Variants in RIMBP2 observed in about 807,000 individuals in gnomAD.
RIMBP2 encodes the protein RIMS-binding protein 2.
RIMBP2 carries 48 observed loss-of-function variants against 118.6 expected under a neutral mutation model. That is an observed-to-expected ratio of 0.40 (90% CI 0.32 to 0.51). RIMBP2 has a LOEUF of 0.51. RIMBP2 is among the 20% of genes least tolerant of loss of function. RIMBP2 has a pLI of 0.41. For synonymous variants in RIMBP2, 762 were observed against 742.9 expected (o/e 1.03, Z -0.42); for missense variants, 1,551 against 1,768.3 (o/e 0.88, Z 2.20).
chr12:130,693,260 A>G (rs80214204), intron 1 of RIMBP2, among the ~76,000 whole-genome samples: 3,997 of 152,246 alleles, frequency 0.026, 183 homozygotes, highest in African/African-American at 0.091. Context: ...GAAAGAATGA[A>G]TGAATGAATG....
intron 2 of RIMBP2, among the ~76,000 whole-genome samples, chr12:130,572,425 G>A (rs1480932735): frequency 2.6e-5 from 4 of 152,112 alleles, no homozygotes; most frequent in Non-Finnish European, 5.9e-5. Flanking sequence ...ATCAGGTATA[G>A]AAGGGACCTT....
chr12:130,444,994 A>G (rs2078409804), intron 10 of RIMBP2, among the ~76,000 whole-genome samples, 166 bp downstream of exon 10: 1 of 152,182 alleles, frequency 6.6e-6, no homozygotes, highest in Non-Finnish European at 1.5e-5. Context: ...CCAGTCGTCA[A>G]AGAGGGCAAA....
chr12:130,711,740 T>A (rs1034779979), intron 1 of RIMBP2, among the ~76,000 whole-genome samples: 1 of 152,256 alleles, frequency 6.6e-6, no homozygotes, highest in Non-Finnish European at 1.5e-5. Context: ...CCTAGTACAG[T>A]GTGACTGGCT....
At chr12:130,460,737 G>A (rs1222247420) in intron 6 of RIMBP2, among the ~76,000 whole-genome samples, 7 of 152,160 alleles carry the variant, frequency 4.6e-5, no homozygotes, top group African/African-American at 1.7e-4. Flanking sequence ...GTGGCAGCCA[G>A]CCACTGTCCT....
intron 9 of RIMBP2, among the ~76,000 whole-genome samples, chr12:130,445,568 T>C (rs12316884): frequency 0.071 from 10,749 of 152,284 alleles, 1,259 homozygotes; most frequent in African/African-American, 0.25. Context: ...TCTCTTCTGC[T>C]GTAACTATAC....
intron 2 of RIMBP2, among the ~76,000 whole-genome samples, chr12:130,552,717 T>C (rs2055925601): frequency 6.6e-6 from 1 of 152,208 alleles, no homozygotes; most frequent in South Asian, 2.1e-4. Flanking sequence ...TGTTAGTCTT[T>C]TGTCTGCATT....
At chr12:130,402,960 G>A (rs2074783962) in intron 21 of RIMBP2, among the ~76,000 whole-genome samples, 1 of 152,210 alleles carries the variant, frequency 6.6e-6, no homozygotes, top group Non-Finnish European at 1.5e-5. Context: ...AATGGGGGCT[G>A]ATGTAAATTA....
intron 3 of RIMBP2, among the ~76,000 whole-genome samples, chr12:130,509,959 G>A (rs1380898328): frequency 6.6e-6 from 1 of 152,212 alleles, no homozygotes; most frequent in Non-Finnish European, 1.5e-5. Context: ...TCACAGAGAA[G>A]CCAACTTGGG....
chr12:130,464,696 G>A (rs933277870), intron 6 of RIMBP2, among the ~76,000 whole-genome samples: 8 of 152,316 alleles, frequency 5.3e-5, no homozygotes, highest in African/African-American at 7.2e-5. Context: ...AGGGACTTGC[G>A]GTCACACCCC....
chr12:130,434,992 C>G lies in RIMBP2; in HGVS notation c.2107-112G>C, dbSNP rs548188190. ...CCTCAGAGCCTGGCCAGGCACCCCCCACACAGTGCTTTGGGCCCAGCTCTG... is the reference window on the plus strand; with the variant it reads ...CCTCAGAGCCTGGCCAGGCACCCCCGACACAGTGCTTTGGGCCCAGCTCTG... On this transcript the variant is annotated intron_variant, in intron 13 of 22. Transcript: ENST00000690449. The surrounding 1 kb of genome is among the most constrained non-coding windows in gnomAD (Gnocchi z 5.7). 1.4e-5 allele frequency: 16 copies of G among 1,160,254 alleles called. No homozygotes were observed. In the Admixed American group the frequency reaches 3.1e-4, roughly 23 times the overall value. 71.9% of individuals were successfully genotyped at this position (1,160,254 alleles called of 1,614,324 possible). A position where few individuals can be genotyped will look rare whatever the true frequency, so the allele number is the denominator to read the frequency against.
intron 16 of RIMBP2, among the ~76,000 whole-genome samples, chr12:130,423,114 G>A (rs1041769876): frequency 4.6e-5 from 7 of 152,192 alleles, no homozygotes; most frequent in African/African-American, 1.7e-4. Context: ...ACTCAGACGG[G>A]TCTCCTTTCT....
chr12:130,551,265 G>T (rs1322931155), intron 2 of RIMBP2, among the ~76,000 whole-genome samples: 1 of 152,218 alleles, frequency 6.6e-6, no homozygotes, highest in East Asian at 1.9e-4. Flanking sequence ...CATGATGGTA[G>T]AGAAAGGTGG....
chr12:130,403,404 A>G (rs1022382966), intron 21 of RIMBP2, among the ~76,000 whole-genome samples: 8 of 152,228 alleles, frequency 5.3e-5, no homozygotes, highest in African/African-American at 1.2e-4. Context: ...AAGATAAAAC[A>G]TAACTGGGGA....
intron 4 of RIMBP2, among the ~76,000 whole-genome samples, chr12:130,497,172 G>A (rs2049263852): frequency 6.6e-6 from 1 of 152,106 alleles, no homozygotes. Flanking sequence ...TCCCTGATGT[G>A]CGACCGCACC....
intron 15 of RIMBP2, chr12:130,427,959 C>G: frequency 2.2e-6 from 1 of 449,334 alleles, no homozygotes; most frequent in African/African-American, 2.0e-5. Flanking sequence ...ATAGATTCCT[C>G]TAAACTCCTT....
At chr12:130,632,224 C>T (rs1338023841) in intron 1 of RIMBP2, among the ~76,000 whole-genome samples, 2 of 152,224 alleles carry the variant, frequency 1.3e-5, no homozygotes, top group African/African-American at 4.8e-5. Flanking sequence ...GGCACATCGT[C>T]GTCATTGCTG....
At chr12:130,421,689 A>ATGTGTGTGTGTGTG (rs1336875443) in intron 17 of RIMBP2, among the ~76,000 whole-genome samples, 1,429 of 106,920 alleles carry the variant, frequency 0.013, 13 homozygotes, top group Admixed American at 0.022. Flanking sequence ...CCCTGCATTT[A>ATGTGTGTGTGTGTG]TATGTGTGTG....
chr12:130,711,906 A>G (rs893708952), intron 1 of RIMBP2, among the ~76,000 whole-genome samples: 3 of 152,274 alleles, frequency 2.0e-5, no homozygotes, highest in Admixed American at 1.3e-4. Flanking sequence ...CTCGATGGGC[A>G]AGCCCATTGC....
chr12:130,705,824 A>G (rs2066088970), intron 1 of RIMBP2, among the ~76,000 whole-genome samples: 1 of 152,260 alleles, frequency 6.6e-6, no homozygotes, highest in African/African-American at 2.4e-5. Context: ...CAACGGAGGC[A>G]GAAGCCGTTC....
Sources: allele counts gnomAD v4.1 joint callset (sites outside exome capture counted in the v4.1 genomes callset), GRCh38; gene constraint gnomAD v4.1.1; non-coding constraint Gnocchi (gnomAD v3.1); transcripts MANE v1.5; gene names NCBI Gene and HGNC (gene_info 2026-07-23, HGNC 2026-07-21).